PLCH1: variants seen among roughly 807,000 people sequenced by gnomAD.
PLCH1 encodes the protein phospholipase C eta 1.
Under a neutral mutation model 126.7 loss-of-function variants are expected in PLCH1, and 60 were observed. The observed-to-expected ratio is 0.47, with a 90% CI of 0.38 to 0.59. The LOEUF is 0.59. Among genes scored for constraint, PLCH1 ranks in the 20% least tolerant of loss-of-function variants. The pLI is 0.00. For synonymous variants in PLCH1, 719 were observed against 734.9 expected, an observed-to-expected ratio of 0.98 and a Z score of 0.35; for missense variants, 1,723 against 2,040.0, an observed-to-expected ratio of 0.84 and a Z score of 2.99.
In PLCH1 at chr3:155,481,535, G is replaced by T; in HGVS notation, c.4491C>A (p.Cys1497Ter). 1 of 1,614,080 alleles carries T rather than the reference G, an allele frequency of 6.2e-7. No homozygotes were observed. The highest frequency in any genetic ancestry group is 2.2e-5 in the East Asian group (1 of 44,872). Reference sequence around the variant, plus strand: ...TACACTGGTACTTGCTCTCAAAATTGCAGGCAATGTCCTCTGATGTTAAGT... The same window carrying T: ...TACACTGGTACTTGCTCTCAAAATTTCAGGCAATGTCCTCTGATGTTAAGT... ...LGDLTSEDIA[C>*]NFESKYQCIS... Residue 1497 changes from cysteine to a stop codon, truncating the protein, a stop_gained, in exon 23 of 23, where the codon TGC becomes TGA. Coordinates refer to ENST00000460012, the MANE Select transcript of PLCH1 (RefSeq NM_014996.4). LOFTEE classifies it low-confidence loss of function (END_TRUNC). The surrounding 1 kb of genome is among the most constrained non-coding windows in gnomAD (Gnocchi z 4.2).
At chr3:155,592,381 G>C (rs1324805448) in intron 4 of PLCH1, among the ~76,000 whole-genome samples, 1 of 150,702 alleles carries the variant, frequency 6.6e-6, no homozygotes, top group Non-Finnish European at 1.5e-5. Context: ...TGTAATCCCA[G>C]CTACTCAGGA....
chr3:155,505,089 T>G (rs1198127179), intron 12 of PLCH1, among the ~76,000 whole-genome samples: 1 of 152,226 alleles, frequency 6.6e-6, no homozygotes, highest in African/African-American at 2.4e-5. Context: ...TCACATTGAC[T>G]AAACAGTGCT....
chr3:155,457,944 CAACT>C (rs1712497146), intron 21 of PLCH1, among the ~76,000 whole-genome samples: 1 of 152,162 alleles, frequency 6.6e-6, no homozygotes, highest in Non-Finnish European at 1.5e-5. Flanking sequence ...CTGCCACCAC[CAACT>C]GAGGAGTTCC....
chr3:155,565,774 C>CA (rs1728280067), intron 7 of PLCH1, among the ~76,000 whole-genome samples: 1 of 151,176 alleles, frequency 6.6e-6, no homozygotes, highest in Non-Finnish European at 1.5e-5. Context: ...TGGCTCACTG[C>CA]AACCTCCGCC....
At chr3:155,673,048 CTTTTT>C (rs66672315) in intron 2 of PLCH1, among the ~76,000 whole-genome samples, 1 of 68,224 alleles carries the variant, frequency 1.5e-5, no homozygotes, top group African/African-American at 6.8e-5. Flanking sequence ...CTTCTGTTGC[CTTTTT>C]TTTTTTTTTT....
In PLCH1 at chr3:155,531,141, A is replaced by G. The variant is rs192136584; in HGVS notation, c.1363-7137T>C. Among the ~76,000 whole-genome samples the G allele has an allele frequency of 1.6e-3, 240 of 152,326 alleles. 1 individual carries two copies. Among genetic ancestry groups the G allele is most frequent in the African/African-American group, 5.5e-3 (228 of 41,570 alleles). ...ACAGTGCAGGCAGAGTAGATTTAGC[A>G]TAATTCTTAAGAGCCTAGGGGATGA... On this transcript the variant is annotated intron_variant, in intron 10 of 22. Transcript: ENST00000460012.
chr3:155,583,494 T>C lies in PLCH1; in HGVS notation c.749A>G (p.Gln250Arg). 1.9e-6 allele frequency: 3 copies of C among 1,605,904 alleles called. No individual in the cohort carries two copies. Among genetic ancestry groups the C allele is most frequent in the Non-Finnish European group, 2.5e-6 (3 of 1,177,544 alleles). The change falls in exon 6 of 23, where the codon CAG (glutamine) becomes CGG (arginine). Residue 250 changes from glutamine to arginine, a missense_variant. Physicochemically the swap from Gln to Arg is conservative, Grantham distance 43. Around this residue, in one of 2 missense-constraint regions of PLCH1, gnomAD observed 776 missense variants for 1,062.9 expected, o/e 0.73. Coordinates refer to ENST00000460012, the MANE Select transcript of PLCH1 (RefSeq NM_014996.4). The stretch of plus-strand genomic sequence containing the variant: ...TACCTTTTGCTCCACCTTCAAAAAC[T>C]GAGCCAGTTCTTCCACAGTTAGGTG... ...KDHLTVEELA[Q>R]FLKVEQKMNN...
intron 21 of PLCH1, among the ~76,000 whole-genome samples, chr3:155,451,071 A>T (rs1712296599): frequency 6.6e-6 from 1 of 152,156 alleles, no homozygotes; most frequent in African/African-American, 2.4e-5. Context: ...CAAAATTAAT[A>T]ATGAGAATAA....
At chr3:155,726,878 C>CTTTTTTTTTTTTTT in intron 1 of PLCH1, among the ~76,000 whole-genome samples, 1 of 133,128 alleles carries the variant, frequency 7.5e-6, no homozygotes, top group Non-Finnish European at 1.6e-5. Flanking sequence ...TTTCTTTTTT[C>CTTTTTTTTTTTTTT]TTTTTTTTTT....
chr3:155,612,908 T>TTAAAA (rs536404616), intron 2 of PLCH1, among the ~76,000 whole-genome samples: 35 of 94,628 alleles, frequency 3.7e-4, no homozygotes, highest in African/African-American at 1.8e-3. Flanking sequence ...AACTGTGTAT[T>TTAAAA]AAAAAAAAAA....
At chr3:155,624,725 G>A (rs9881686) in intron 2 of PLCH1, among the ~76,000 whole-genome samples, 73,840 of 151,902 alleles carry the variant, frequency 0.49, 20,334 homozygotes, top group African/African-American at 0.74. Flanking sequence ...ACAAACCACC[G>A]CTCAAGGAAA....
At chr3:155,488,611 A>G in intron 20 of PLCH1, 49 bp downstream of exon 20, 1 of 1,485,266 alleles carries the variant, frequency 6.7e-7, no homozygotes, top group East Asian at 2.3e-5. Context: ...ACGTCTTCCA[A>G]ATAAAAAGGA....
chr3:155,673,825 A>C (rs772685410), intron 2 of PLCH1, among the ~76,000 whole-genome samples: 3 of 152,232 alleles, frequency 2.0e-5, no homozygotes, highest in African/African-American at 7.2e-5. Context: ...ATACTAGGCC[A>C]TGGGGGAAAT....
chr3:155,600,476 C>CGT (rs1221603695), intron 2 of PLCH1, among the ~76,000 whole-genome samples: 2 of 152,136 alleles, frequency 1.3e-5, no homozygotes, highest in Non-Finnish European at 1.5e-5. Flanking sequence ...CTTCATCACA[C>CGT]ACATTTCCAG....
chr3:155,582,994 A>G (rs570402375), intron 6 of PLCH1, among the ~76,000 whole-genome samples: 86 of 151,872 alleles, frequency 5.7e-4, no homozygotes, highest in Middle Eastern at 3.5e-3. Context: ...AGAATTACCA[A>G]TGACCTACCA....
rs370823312 is a variant in PLCH1, at chr3:155,482,257, C to T, written c.3769G>A (p.Glu1257Lys). The T allele has an allele frequency of 3.7e-6, 6 of 1,613,980 alleles. No homozygotes were observed. The highest frequency in any genetic ancestry group is 2.2e-5 in the South Asian group (2 of 91,088). ...SPELIALSSS[E>K]TTKHATNTVY... The stretch of plus-strand genomic sequence containing the variant: ...GTGTTCGTTGCATGTTTGGTGGTCT[C>T]AGAACTCGAGAGTGCTATCAGCTCC... The change falls in exon 23 of 23, where the codon GAG (glutamate) becomes AAG (lysine). Residue 1257 changes from glutamate (E) to lysine (K), a missense_variant. Physicochemically the swap from Glu to Lys is moderately conservative, Grantham distance 56 (BLOSUM62 1). This residue lies in a region of PLCH1 where 947 missense variants were observed against 977.1 expected (regional missense o/e 0.97). Transcript: ENST00000460012.
Position 155,485,726 on chromosome 3 carries a change from AACCAACC to A in PLCH1, c.2620-23_2620-17del, listed in dbSNP as rs769969952. The A allele has an allele frequency of 6.6e-7, 1 of 1,512,540 alleles. No individual in the cohort carries two copies. Among genetic ancestry groups the A allele is most frequent in the Non-Finnish European group, 9.0e-7 (1 of 1,111,414 alleles). The allele number at this position is 1,512,540 out of a possible 1,614,324, so 93.7% of individuals were successfully genotyped here. ...GTTGTCTGTTCTGAAGACACAAAAG[AACCAACC>A]ACAAGTTAAGCAAATGCCATCACAT... On this transcript the variant is annotated splice_polypyrimidine_tract_variant and intron_variant, in intron 21 of 22. Coordinates refer to ENST00000460012, the MANE Select transcript of PLCH1 (RefSeq NM_014996.4).
At chr3:155,617,505 A>G (rs1302221518) in intron 2 of PLCH1, among the ~76,000 whole-genome samples, 1 of 152,132 alleles carries the variant, frequency 6.6e-6, no homozygotes, top group African/African-American at 2.4e-5. Flanking sequence ...CTTTTGAGCT[A>G]TTTACAGCTT....
intron 4 of PLCH1, among the ~76,000 whole-genome samples, chr3:155,591,753 T>C (rs1732201333): frequency 6.6e-6 from 1 of 152,138 alleles, no homozygotes; most frequent in Admixed American, 6.5e-5. Flanking sequence ...TAGTTTTTTG[T>C]TTTTGAGACA....
Sources: gnomAD v4.1 joint callset for allele counts (sites outside exome capture counted in the v4.1 genomes callset) on GRCh38, gnomAD v4.1.1 for gene constraint, gnomAD v4.1.1 regional missense constraint, Gnocchi (gnomAD v3.1) non-coding constraint, MANE v1.5 for transcripts, NCBI Gene and HGNC (gene_info 2026-07-23, HGNC 2026-07-21) for gene names.